Variants in PSMG4 observed in about 807,000 individuals in gnomAD.
PSMG4 encodes the protein proteasome (prosome, macropain) assembly chaperone 4.
A neutral mutation model predicts 11.0 loss-of-function variants in PSMG4; 10 were observed. The observed-to-expected ratio is 0.91, with a 90% CI of 0.56 to 1.54. PSMG4 has a LOEUF of 1.54. Ranked by LOEUF, PSMG4 falls within the 40% of genes most tolerant of loss-of-function variation. PSMG4 has a pLI of 0.00. For synonymous variants in PSMG4, 95 were observed against 71.3 expected (o/e 1.33, Z -1.68); for missense variants, 198 against 160.9 (o/e 1.23, Z -1.25).
chr6:3,267,770 G>A lies in PSMG4; in HGVS notation c.*58G>A. Reference sequence around the variant, plus strand: ...TGTACAATGTACGTGTAAATAAATGGATTGAATTTCAGTTTGTCATCAGGC... The same window carrying A: ...TGTACAATGTACGTGTAAATAAATGAATTGAATTTCAGTTTGTCATCAGGC... On this transcript the variant is annotated 3_prime_UTR_variant, in exon 3 of 3. Transcript: ENST00000438998. 6.6e-7 allele frequency: 1 copy of A among 1,505,852 alleles called. No individual in the cohort carries two copies. The highest frequency in any genetic ancestry group is 9.0e-7 in the Non-Finnish European group (1 of 1,113,094). The allele number at this position is 1,505,852 out of a possible 1,614,324, so 93.3% of individuals were successfully genotyped here. A position where few individuals can be genotyped will look rare whatever the true frequency, so the allele number is the denominator to read the frequency against.
At position 3,264,127 on chromosome 6, in the gene PSMG4, T is replaced by C. The variant is rs139474839; in HGVS notation, c.250+368T>C. 58 of 1,531,904 alleles carry C rather than the reference T, an allele frequency of 3.8e-5. No homozygotes were observed. In the African/African-American group the frequency reaches 6.9e-4, roughly 18 times the overall value. 94.9% of individuals were successfully genotyped at this position (1,531,904 alleles called of 1,614,324 possible). A position where few individuals can be genotyped will look rare whatever the true frequency, so the allele number is the denominator to read the frequency against. ...TGGCTCAAGGTAGCCTCCCGGGCCT[T>C]AGGAGGAGTCAGTGCAGCTGGTGGA... is the stretch of plus-strand genomic sequence containing the variant. On this transcript the variant is annotated intron_variant, in intron 2 of 2. Transcript: ENST00000438998.
Position 3,259,028 on chromosome 6 carries a change from G to T in PSMG4, c.6G>T (p.Glu2Asp). 1 of 1,248,430 alleles carries T rather than the reference G, an allele frequency of 8.0e-7. No homozygotes were observed. The highest frequency in any genetic ancestry group is 3.1e-5 in the East Asian group (1 of 31,772). The allele number at this position is 1,248,430 out of a possible 1,614,324, so 77.3% of individuals were successfully genotyped here. A position where few individuals can be genotyped will look rare whatever the true frequency, so the allele number is the denominator to read the frequency against. The part of the protein sequence containing the change: M[E>D]GLVVAAGGDV... ...GCCGGGAGCCGTGGGGCGGCATGGA[G>T]GGGCTGGTTGTCGCCGCCGGCGGGG... The change falls in exon 1 of 3, where the codon GAG (glutamate) becomes GAT (aspartate). Residue 2 changes from glutamate (E) to aspartate (D), a missense_variant. By Grantham distance (45) the Glu-to-Asp change is conservative. Coordinates refer to ENST00000438998, the MANE Select transcript of PSMG4 (RefSeq NM_001128591.2).
chr6:3,254,506 T>C (rs879849109), upstream of PSMG4, among the ~76,000 whole-genome samples: 7 of 152,122 alleles, frequency 4.6e-5, no homozygotes, highest in Non-Finnish European at 7.4e-5. Context: ...TTTGTGTATG[T>C]GTTGGGTTTA....
chr6:3,261,933 C>A (rs1758006812), intron 1 of PSMG4, among the ~76,000 whole-genome samples: 1 of 152,182 alleles, frequency 6.6e-6, no homozygotes. Context: ...TTTGCCAGCC[C>A]ACACGTGGAG....
At chr6:3,264,246 C>T (rs1346053607) in intron 2 of PSMG4, 11 of 1,551,428 alleles carry the variant, frequency 7.1e-6, no homozygotes, top group South Asian at 2.4e-5. Flanking sequence ...GTGAGTGTGG[C>T]GTAGAGTGGG....
At chr6:3,257,106 C>T (rs933890788), upstream of PSMG4, among the ~76,000 whole-genome samples, 2 of 152,142 alleles carry the variant, frequency 1.3e-5, no homozygotes, top group Non-Finnish European at 1.5e-5. Context: ...AGGAGAGGGA[C>T]AAGGAGCTGG....
intron 1 of PSMG4, among the ~76,000 whole-genome samples, chr6:3,259,700 C>T (rs139221517): frequency 5.3e-5 from 8 of 152,318 alleles, no homozygotes; most frequent in African/African-American, 1.9e-4. Context: ...TCGCAGTTGT[C>T]TTTGATTCCT....
chr6:3,259,611 CTT>C (rs1757897477), intron 1 of PSMG4, among the ~76,000 whole-genome samples: 1 of 152,220 alleles, frequency 6.6e-6, no homozygotes, highest in South Asian at 2.1e-4. Flanking sequence ...ATCAGGCTCT[CTT>C]CTCCAAACCT....
intron 1 of PSMG4, among the ~76,000 whole-genome samples, chr6:3,262,177 C>T (rs1313686947): frequency 2.0e-5 from 3 of 152,178 alleles, no homozygotes; most frequent in Non-Finnish European, 4.4e-5. Flanking sequence ...ACCCCCCGCC[C>T]GGCCTCTAGG....
chr6:3,256,743 A>G (rs745726414), upstream of PSMG4, among the ~76,000 whole-genome samples: 3 of 152,160 alleles, frequency 2.0e-5, no homozygotes, highest in Non-Finnish European at 4.4e-5. Flanking sequence ...GGCCCATCAG[A>G]GTTGTGAGTT....
rs762488081 is a variant in PSMG4 at position 3,259,191 on chromosome 6, C to G, written c.169C>G (p.Arg57Gly). 1 of 1,304,466 alleles carries G rather than the reference C, an allele frequency of 7.7e-7. No homozygotes were observed. The highest frequency in any genetic ancestry group is 2.4e-5 in the South Asian group (1 of 40,998). The allele number at this position is 1,304,466 out of a possible 1,614,324, so 80.8% of individuals were successfully genotyped here. The change falls in exon 1 of 3, where the codon CGC (arginine) becomes GGC (glycine). Residue 57 changes from arginine to glycine, a missense_variant. Arg to Gly is a moderately radical substitution (Grantham distance 125). Coordinates refer to ENST00000438998, the MANE Select transcript of PSMG4 (RefSeq NM_001128591.2). ...CAACCTCGCCGTGGCCATGTGCAGC[C>G]GCTACGTGAGTGCCTGGCGGCCGAG... is the stretch of plus-strand genomic sequence containing the variant. ...LRNLAVAMCS[R>G]YDSIPVSTSL...
chr6:3,255,039 T>G (rs1466314076), upstream of PSMG4: 4 of 1,549,594 alleles, frequency 2.6e-6, no homozygotes, highest in South Asian at 3.6e-5. Flanking sequence ...CGCTTTCTGA[T>G]TCTCTGGACA....
chr6:3,267,770 G>C lies in PSMG4; in HGVS notation c.*58G>C. 6.6e-7 allele frequency: 1 copy of C among 1,505,852 alleles called. No homozygotes were observed. The highest frequency in any genetic ancestry group is 9.0e-7 in the Non-Finnish European group (1 of 1,113,094). The allele number at this position is 1,505,852 out of a possible 1,614,324, so 93.3% of individuals were successfully genotyped here. A position where few individuals can be genotyped will look rare whatever the true frequency, so the allele number is the denominator to read the frequency against. ...TGTACAATGTACGTGTAAATAAATG[G>C]ATTGAATTTCAGTTTGTCATCAGGC... On this transcript the variant is annotated 3_prime_UTR_variant, in exon 3 of 3. Transcript: ENST00000438998.
At chr6:3,267,486 A>C in intron 2 of PSMG4, 105 bp from the exon 3 acceptor site, 1 of 1,354,052 alleles carries the variant, frequency 7.4e-7, no homozygotes, top group South Asian at 1.4e-5. Flanking sequence ...TTCTCCCTAC[A>C]ACCCCATCCT....
At chr6:3,255,056 AAC>A (rs953294019), upstream of PSMG4, 128 of 1,550,824 alleles carry the variant, frequency 8.3e-5, no homozygotes, top group Admixed American at 2.7e-4. Flanking sequence ...GACAGGAACA[AAC>A]ACACTTGGAA....
chr6:3,259,415 C>A (rs981561888), intron 1 of PSMG4, among the ~76,000 whole-genome samples: 5 of 152,266 alleles, frequency 3.3e-5, no homozygotes, highest in Non-Finnish European at 7.3e-5. Context: ...GTCCCGCCGC[C>A]CCGCAGCTGC....
rs1038905007 is a variant in PSMG4, at chr6:3,267,644, A to G, written c.304A>G (p.Ser102Gly). ...FVSYNLQNTD[S>G]NFALLVENRI... ...CAGCTATAACCTTCAGAACACAGAC[A>G]GTAACTTCGCATTACTTGTAGAAAA... is the stretch of plus-strand genomic sequence containing the variant. Residue 102 changes from serine to glycine, a missense_variant, in exon 3 of 3, where the codon AGT becomes GGT. Coordinates refer to ENST00000438998, the MANE Select transcript of PSMG4 (RefSeq NM_001128591.2). 6.4e-7 allele frequency: 1 copy of G among 1,552,226 alleles called. No individual in the cohort carries two copies. The highest frequency in any genetic ancestry group is 8.7e-7 in the Non-Finnish European group (1 of 1,147,070).
At position 3,259,003 on chromosome 6, in the gene PSMG4, G is replaced by T; in HGVS notation, c.-20G>T. ...CGAGGACCCGGGTCTGGCGCTGTGG[G>T]CCGGGAGCCGTGGGGCGGCATGGAG... is the stretch of plus-strand genomic sequence containing the variant. On this transcript the variant is annotated 5_prime_UTR_variant, in exon 1 of 3. Transcript: ENST00000438998. 1 of 1,242,064 alleles carries T rather than the reference G, an allele frequency of 8.1e-7. No individual in the cohort carries two copies. The highest frequency in any genetic ancestry group is 1.0e-6 in the Non-Finnish European group (1 of 992,472). 76.9% of individuals were successfully genotyped at this position (1,242,064 alleles called of 1,614,324 possible).
upstream of PSMG4, among the ~76,000 whole-genome samples, chr6:3,254,520 G>A (rs989177854): frequency 1.3e-5 from 2 of 152,000 alleles, no homozygotes; most frequent in Non-Finnish European, 1.5e-5. Flanking sequence ...GGGTTTATGA[G>A]CTGTAACAAT....
Sources: allele counts gnomAD v4.1 joint callset (sites outside exome capture counted in the v4.1 genomes callset), GRCh38; gene constraint gnomAD v4.1.1; transcripts MANE v1.5; gene names NCBI Gene and HGNC (gene_info 2026-07-23, HGNC 2026-07-21).